The following CNTN1 variants were observed in gnomAD, a reference collection of about 807,000 sequenced individuals.
CNTN1 encodes contactin-1.
Under a neutral mutation model 126.4 loss-of-function variants are expected in CNTN1, and 38 were observed. The observed-to-expected ratio is 0.30, with a 90% CI of 0.23 to 0.39. The LOEUF (loss-of-function observed/expected upper bound fraction) is 0.39. Ranked by LOEUF, CNTN1 falls within the 10% of genes least tolerant of loss-of-function variation. The pLI is 1.00. For missense variants in CNTN1, 1,009 were observed against 1,248.4 expected (o/e 0.81, Z 2.89); for synonymous variants, 413 against 422.6 (o/e 0.98, Z 0.28).
At chr12:41,042,385 T>A (rs368550754) in intron 23 of CNTN1, among the ~76,000 whole-genome samples, 61 of 152,252 alleles carry the variant, frequency 4.0e-4, no homozygotes, top group Admixed American at 5.9e-4. Context: ...AAAAAAAATG[T>A]ATATTCTGTT....
intron 1 of CNTN1, among the ~76,000 whole-genome samples, chr12:40,905,862 G>C (rs1243265592): frequency 6.6e-6 from 1 of 152,194 alleles, no homozygotes; most frequent in African/African-American, 2.4e-5. Context: ...GGCATAACCA[G>C]TGTGTACACA....
Position 41,027,933 on chromosome 12 carries a change from T to C in CNTN1, c.2787T>C (p.Val929=). 6.2e-7 allele frequency: 1 copy of C among 1,612,572 alleles called. No individual in the cohort carries two copies. The highest frequency in any genetic ancestry group is 8.5e-7 in the Non-Finnish European group (1 of 1,178,622). Residue 929 remains valine (V), a synonymous_variant, in exon 22 of 24, where the codon GTT becomes GTC. Coordinates refer to ENST00000551295, the MANE Select transcript of CNTN1 (RefSeq NM_001843.4). ...SRYIITWDHV[V]ALSNESTVTG... ...ATATAATCACCTGGGATCATGTCGT[T>C]GCACTATCAAATGAATCTACAGTGA...
intron 1 of CNTN1, among the ~76,000 whole-genome samples, chr12:40,876,614 GAAATT>G (rs1228772591): frequency 9.2e-5 from 14 of 152,096 alleles, no homozygotes; most frequent in African/African-American, 3.4e-4. Context: ...AATAATCACA[GAAATT>G]AAATATCTTA....
At chr12:40,851,801 AG>A (rs1332947422) in intron 1 of CNTN1, among the ~76,000 whole-genome samples, 3 of 152,194 alleles carry the variant, frequency 2.0e-5, no homozygotes, top group Non-Finnish European at 4.4e-5. Flanking sequence ...GGGTGGTCTA[AG>A]GCATGGGGAA....
chr12:40,924,535 T>G lies in CNTN1; in HGVS notation c.401-22T>G, dbSNP rs538318732. On this transcript the variant is annotated intron_variant, in intron 5 of 23. Coordinates refer to ENST00000551295, the MANE Select transcript of CNTN1 (RefSeq NM_001843.4). ...CTATTGACCAGAGAGTGAATGTTTC[T>G]CTTTTTTTCTTTCGTAATTAGATCT... The G allele has an allele frequency of 2.3e-6, 3 of 1,287,152 alleles. No individual in the cohort carries two copies. The African/African-American group carries it at 4.4e-5, about 19-fold the overall frequency. 79.7% of individuals were successfully genotyped at this position (1,287,152 alleles called of 1,614,324 possible).
chr12:40,946,237 C>A (rs1348085094), intron 14 of CNTN1, among the ~76,000 whole-genome samples: 1 of 152,054 alleles, frequency 6.6e-6, no homozygotes, highest in Admixed American at 6.6e-5. Flanking sequence ...TAAGTAAAAA[C>A]GCTATAAATA....
At chr12:40,889,128 T>A (rs1944155095) in intron 1 of CNTN1, among the ~76,000 whole-genome samples, 1 of 152,226 alleles carries the variant, frequency 6.6e-6, no homozygotes, top group Non-Finnish European at 1.5e-5. Context: ...CTTGGGAAAT[T>A]CACTTCCTAT....
intron 1 of CNTN1, among the ~76,000 whole-genome samples, chr12:40,767,710 T>C (rs560891098): frequency 2.0e-5 from 3 of 152,058 alleles, no homozygotes; most frequent in Admixed American, 1.3e-4. Flanking sequence ...CTCGGCTCAC[T>C]GCAAGCTCCA....
At chr12:41,063,870 G>A (rs1949993271) in intron 23 of CNTN1, among the ~76,000 whole-genome samples, 1 of 152,114 alleles carries the variant, frequency 6.6e-6, no homozygotes, top group South Asian at 2.1e-4. Context: ...CTTGAGAGAA[G>A]TCAGTCTGAG....
intron 1 of CNTN1, among the ~76,000 whole-genome samples, chr12:40,881,452 T>G (rs954482590): frequency 6.6e-6 from 1 of 151,870 alleles, no homozygotes; most frequent in African/African-American, 2.4e-5. Context: ...AGGGCTATAC[T>G]ATGGCCAGAG....
At position 40,977,389 on chromosome 12, in the gene CNTN1, G is replaced by A. The variant is rs113573178; in HGVS notation, c.1805-3520G>A. The stretch of plus-strand genomic sequence containing the variant: ...CTATCAATAATTCCCAAAGGGAGGA[G>A]GGTGTAATGAGGCATGTCTGGCTGC... On this transcript the variant is annotated intron_variant, in intron 15 of 23. Coordinates refer to ENST00000551295, the MANE Select transcript of CNTN1 (RefSeq NM_001843.4). Among the ~76,000 whole-genome samples the A allele has an allele frequency of 7.7e-3, 1,177 of 152,232 alleles. 6 individuals are homozygous for A. Among genetic ancestry groups the A allele is most frequent in the Middle Eastern group, 0.02 (6 of 294 alleles).
chr12:40,853,438 T>C (rs1157446825), intron 1 of CNTN1, among the ~76,000 whole-genome samples: 1 of 152,138 alleles, frequency 6.6e-6, no homozygotes. Context: ...GAAAAGTTAG[T>C]GAAAGACTCA....
At chr12:40,905,050 T>C (rs1297322739) in intron 1 of CNTN1, among the ~76,000 whole-genome samples, 1 of 152,244 alleles carries the variant, frequency 6.6e-6, no homozygotes, top group East Asian at 1.9e-4. Context: ...CTGAGTAATT[T>C]GCCCAAAGTT....
intron 1 of CNTN1, among the ~76,000 whole-genome samples, chr12:40,879,300 C>T (rs1238103802): frequency 6.6e-6 from 1 of 152,118 alleles, no homozygotes; most frequent in Non-Finnish European, 1.5e-5. Flanking sequence ...ACTACTTCTC[C>T]AAAGGATTTT....
chr12:40,703,660 G>C (rs1464440191), intron 1 of CNTN1, among the ~76,000 whole-genome samples: 1 of 152,166 alleles, frequency 6.6e-6, no homozygotes, highest in Non-Finnish European at 1.5e-5. Flanking sequence ...GTTCTTCAGT[G>C]AGAAGAGTTT....
chr12:40,793,782 A>T (rs1043740297), intron 1 of CNTN1, among the ~76,000 whole-genome samples: 2 of 151,924 alleles, frequency 1.3e-5, no homozygotes, highest in East Asian at 3.9e-4. Flanking sequence ...CCCTTCAGGG[A>T]GGTTATTCTA....
At chr12:40,726,297 A>G (rs1942349492) in intron 1 of CNTN1, among the ~76,000 whole-genome samples, 1 of 152,202 alleles carries the variant, frequency 6.6e-6, no homozygotes, top group African/African-American at 2.4e-5. Context: ...GATAAAAAGG[A>G]TGTATTAGTT....
Position 40,936,730 on chromosome 12 carries a change from G to A in CNTN1, c.986-51G>A, listed in dbSNP as rs759526343. ...GTAATATTTATACTCTGGAGATTAT[G>A]ATGGATCTTGAGCCCTTCATTTAAC... On this transcript the variant is annotated intron_variant, in intron 9 of 23. Coordinates refer to ENST00000551295, the MANE Select transcript of CNTN1 (RefSeq NM_001843.4). 1.6e-5 allele frequency: 25 copies of A among 1,604,834 alleles called. No homozygotes were observed. The African/African-American group carries it at 1.9e-4, about 12-fold the overall frequency.
rs1433846795 is a variant in CNTN1, at chr12:40,807,043, A to T, written c.-76-101314A>T. Reference sequence around the variant, plus strand: ...GATGTAGAGCAGCCACACTATACCAAGCACAGGAACGGTACAGAATAGTGA... The same window carrying T: ...GATGTAGAGCAGCCACACTATACCATGCACAGGAACGGTACAGAATAGTGA... On this transcript the variant is annotated intron_variant, in intron 1 of 23. Coordinates refer to ENST00000551295, the MANE Select transcript of CNTN1 (RefSeq NM_001843.4). 2.0e-5 allele frequency among the ~76,000 whole-genome samples: 3 copies of T among 152,244 alleles called. No individual in the cohort carries two copies. The East Asian group carries it at 5.8e-4, about 29-fold the overall frequency.
Sources: allele counts gnomAD v4.1 joint callset (sites outside exome capture counted in the v4.1 genomes callset), GRCh38; gene constraint gnomAD v4.1.1; transcripts MANE v1.5; gene names NCBI Gene and HGNC (gene_info 2026-07-23, HGNC 2026-07-21).